COL6A2: variants seen among roughly 807,000 people sequenced by gnomAD.
COL6A2 encodes the protein collagen type VI alpha 2 chain, also known as collagen alpha-2(VI) chain.
A neutral mutation model predicts 124.9 loss-of-function variants in COL6A2; 90 were observed. That is an observed-to-expected ratio of 0.72 (90% confidence interval 0.61 to 0.86). COL6A2 has a LOEUF of 0.86. Among genes scored for constraint, COL6A2 ranks in the 40% least tolerant of loss-of-function variants. The pLI is 0.00. For missense variants in COL6A2, 1,607 were observed against 1,502.5 expected (o/e 1.07, Z -1.15); for synonymous variants, 793 against 618.2 (o/e 1.28, Z -4.19).
chr21:46,129,116 G>C, intron 27 of COL6A2: 1 of 1,606,656 alleles, frequency 6.2e-7, no homozygotes, highest in East Asian at 2.2e-5. Flanking sequence ...CTCTGGCCTC[G>C]CTGAGCGGCT....
chr21:46,108,092 C>CTATA (rs528212423), intron 1 of COL6A2, among the ~76,000 whole-genome samples: 1 of 145,480 alleles, frequency 6.9e-6, no homozygotes, highest in African/African-American at 2.6e-5. Context: ...TTCTCTCTGT[C>CTATA]TATATATATA....
Position 46,122,637 on chromosome 21 carries a change from G to C in COL6A2, c.1608+106G>C, listed in dbSNP as rs1239673001. 3.7e-6 allele frequency: 5 copies of C among 1,334,764 alleles called. No homozygotes were observed. In the African/African-American group the frequency reaches 7.2e-5, roughly 19 times the overall value. 82.7% of individuals were successfully genotyped at this position (1,334,764 alleles called of 1,614,324 possible). On this transcript the variant is annotated intron_variant, in intron 20 of 27. Coordinates refer to ENST00000300527, the MANE Select transcript of COL6A2 (RefSeq NM_001849.4). Reference sequence around the variant, plus strand: ...TCACTGACAGGACCACCCCTGTCTTGAGATGGTCCTGGCTCCCCAAGGCCC... The same window carrying C: ...TCACTGACAGGACCACCCCTGTCTTCAGATGGTCCTGGCTCCCCAAGGCCC...
intron 27 of COL6A2, chr21:46,128,812 A>G (rs2078714570): frequency 9.6e-7 from 1 of 1,043,528 alleles, no homozygotes; most frequent in Non-Finnish European, 1.5e-6. Context: ...AAGCTTTCTC[A>G]GGCGGGCTCT....
At chr21:46,120,249 G>A (rs898126726) in intron 15 of COL6A2, among the ~76,000 whole-genome samples, 1 of 151,276 alleles carries the variant, frequency 6.6e-6, no homozygotes, top group Non-Finnish European at 1.5e-5. Flanking sequence ...ATCAGGTGAA[G>A]GGGCTTCCTC....
intron 1 of COL6A2, among the ~76,000 whole-genome samples, chr21:46,105,120 G>A (rs2078323281): frequency 6.6e-6 from 1 of 152,224 alleles, no homozygotes. Context: ...GCTCATGCTT[G>A]TAACCCCATC....
Position 46,112,371 on chromosome 21 carries a change from T to C in COL6A2, c.508T>C (p.Cys170Arg), listed in dbSNP as rs531877862. Residue 170 changes from cysteine to arginine, a missense_variant, in exon 3 of 28, where the codon TGC (cysteine) becomes CGC (arginine). This residue lies in a region of COL6A2 where 342 missense variants were observed against 381.5 expected (regional missense o/e 0.90). Coordinates refer to ENST00000300527, the MANE Select transcript of COL6A2 (RefSeq NM_001849.4). ...CGACGGCCACGTCACCGGCAGCCCC[T>C]GCGGGGGCATCAAGCTGCAGGCCGA... is the stretch of plus-strand genomic sequence containing the variant. Reference protein sequence around the residue: ...ITDGHVTGSPCGGIKLQAERA... With the variant: ...ITDGHVTGSPRGGIKLQAERA... 1.2e-6 allele frequency: 2 copies of C among 1,607,704 alleles called. No individual in the cohort carries two copies. Among genetic ancestry groups the C allele is most frequent in the Non-Finnish European group, 1.7e-6 (2 of 1,178,292 alleles).
At chr21:46,114,201 C>T (rs1020600324) in intron 5 of COL6A2, 128 bp downstream of exon 5, 25 of 742,530 alleles carry the variant, frequency 3.4e-5, no homozygotes, top group Admixed American at 7.7e-5. Context: ...CCGAGGCGGG[C>T]GGATCACAAC....
rs370775804 is a variant in COL6A2, at chr21:46,124,664, C to G, written c.1685C>G (p.Pro562Arg). Residue 562 changes from proline (P) to arginine (R), a missense_variant, in exon 22 of 28, where the codon CCC becomes CGC. Physicochemically the swap from Pro to Arg is moderately radical, Grantham distance 103 (BLOSUM62 -2). This residue lies in a region of COL6A2 where 1,223 missense variants were observed against 1,052.2 expected (regional missense o/e 1.16). Coordinates refer to ENST00000300527, the MANE Select transcript of COL6A2 (RefSeq NM_001849.4). ...GTTCCTTCTCAGGCGGATCCTGGTC[C>G]CCCTGGTGAGCCAGGCCCTCGGGGG... is the stretch of plus-strand genomic sequence containing the variant. Reference protein sequence around the residue: ...GEKGEPADPGPPGEPGPRGPR... With the variant: ...GEKGEPADPGRPGEPGPRGPR... The G allele has an allele frequency of 6.2e-7, 1 of 1,612,950 alleles. No homozygotes were observed. Among genetic ancestry groups the G allele is most frequent in the African/African-American group, 1.3e-5 (1 of 75,020 alleles).
In COL6A2 at chr21:46,132,769, T is replaced by C. The variant is rs2078781081; in HGVS notation, c.*217T>C. 3.4e-6 allele frequency: 2 copies of C among 583,250 alleles called. No individual in the cohort carries two copies. The highest frequency in any genetic ancestry group is 2.0e-5 in the South Asian group (1 of 49,802). 36.1% of individuals were successfully genotyped at this position (583,250 alleles called of 1,614,324 possible). ...GCAGGCTGCCCGGCCTCCCTCCCCC[T>C]GCAGCCATCCCAAGGCTCCTGACCT... On this transcript the variant is annotated 3_prime_UTR_variant, in exon 28 of 28. Transcript: ENST00000300527.
intron 1 of COL6A2, among the ~76,000 whole-genome samples, chr21:46,104,207 TTGG>T (rs2078314907): frequency 6.6e-6 from 1 of 152,086 alleles, no homozygotes; most frequent in Admixed American, 6.5e-5. Flanking sequence ...TGAAAAAGAC[TTGG>T]TGGTAGATCT....
At chr21:46,127,854 T>TATCA (rs1422479135) in intron 27 of COL6A2, among the ~76,000 whole-genome samples, 4 of 152,290 alleles carry the variant, frequency 2.6e-5, no homozygotes, top group African/African-American at 7.2e-5. Flanking sequence ...CTCTTTAGCC[T>TATCA]ATCATTGTAG....
intron 27 of COL6A2, among the ~76,000 whole-genome samples, chr21:46,127,203 T>C (rs2078684711): frequency 6.6e-6 from 1 of 151,990 alleles, no homozygotes; most frequent in East Asian, 1.9e-4. Flanking sequence ...AGCCGTCCCC[T>C]CCAGGAGTGT....
chr21:46,113,816 G>T, intron 4 of COL6A2, 192 bp from the exon 5 acceptor site: 1 of 663,892 alleles, frequency 1.5e-6, no homozygotes, highest in Non-Finnish European at 2.8e-6. Flanking sequence ...TCTTTGGCTT[G>T]TCCCTGATGG....
In COL6A2 at chr21:46,125,549, A is replaced by G; in HGVS notation, c.1901A>G (p.Glu634Gly). ...ATTGGGTACACCAACTTCACACTGGAGAAGAACTTCGTCATCAACGTGGTC... is the reference window on the plus strand; with the variant it reads ...ATTGGGTACACCAACTTCACACTGGGGAAGAACTTCGTCATCAACGTGGTC... ...ESIGYTNFTL[E>G]KNFVINVVNR... The change falls in exon 25 of 28, where the codon GAG becomes GGG. Residue 634 changes from glutamate to glycine, a missense_variant. Transcript: ENST00000300527. The G allele has an allele frequency of 1.2e-6, 2 of 1,612,778 alleles. No homozygotes were observed. Among genetic ancestry groups the G allele is most frequent in the Non-Finnish European group, 1.7e-6 (2 of 1,179,910 alleles).
intron 15 of COL6A2, 82 bp from the exon 16 acceptor site, chr21:46,120,433 C>A (rs2078545822): frequency 5.9e-6 from 7 of 1,181,706 alleles, no homozygotes; most frequent in Non-Finnish European, 8.5e-6. Context: ...TTCCCCAACC[C>A]CCGGCCACAC....
At chr21:46,105,026 G>A (rs1263160415) in intron 1 of COL6A2, among the ~76,000 whole-genome samples, 2 of 152,176 alleles carry the variant, frequency 1.3e-5, no homozygotes, top group Non-Finnish European at 1.5e-5. Flanking sequence ...TATAGGAAAC[G>A]CCAAAGGGAG....
Position 46,114,154 on chromosome 21 carries a change from T to C in COL6A2, c.801+81T>C, listed in dbSNP as rs550652232. Reference sequence around the variant, plus strand: ...TTTGAAATCCACACTTGGCCGGGCGTGGTGGCTCATACCTGTAATCCCAGC... The same window carrying C: ...TTTGAAATCCACACTTGGCCGGGCGCGGTGGCTCATACCTGTAATCCCAGC... On this transcript the variant is annotated intron_variant, in intron 5 of 27. Coordinates refer to ENST00000300527, the MANE Select transcript of COL6A2 (RefSeq NM_001849.4). 228 of 1,210,402 alleles carry C rather than the reference T, an allele frequency of 1.9e-4. 2 individuals are homozygous for C. Among genetic ancestry groups the C allele is most frequent in the South Asian group, 1.8e-3 (152 of 82,814 alleles). The allele number at this position is 1,210,402 out of a possible 1,614,324, so 75.0% of individuals were successfully genotyped here. A position where few individuals can be genotyped will look rare whatever the true frequency, so the allele number is the denominator to read the frequency against.
rs530080007 is a variant in COL6A2 at position 46,125,403 on chromosome 21, G to A, written c.1817-62G>A. The A allele has an allele frequency of 1.3e-4, 203 of 1,608,046 alleles. No individual in the cohort carries two copies. The African/African-American group carries it at 2.3e-3, about 18-fold the overall frequency. ...TGGGTCATCGCTGGGTCCTGCATGTGCACGTGACCCTAGGGTCTGAGGTCT... is the reference window on the plus strand; with the variant it reads ...TGGGTCATCGCTGGGTCCTGCATGTACACGTGACCCTAGGGTCTGAGGTCT... On this transcript the variant is annotated intron_variant, in intron 24 of 27. Transcript: ENST00000300527.
intron 5 of COL6A2, 135 bp downstream of exon 5, chr21:46,114,208 C>G: frequency 2.7e-6 from 2 of 734,034 alleles, no homozygotes; most frequent in Admixed American, 3.9e-5. Flanking sequence ...GGGCGGATCA[C>G]AACGTCAGGA....
Sources: allele counts gnomAD v4.1 joint callset (sites outside exome capture counted in the v4.1 genomes callset), GRCh38; gene constraint gnomAD v4.1.1; regional missense constraint gnomAD v4.1.1; transcripts MANE v1.5; gene names NCBI Gene and HGNC (gene_info 2026-07-23, HGNC 2026-07-21).